The following SYN3 variants were observed in gnomAD, a reference collection of about 807,000 sequenced individuals.
The protein encoded by SYN3 is synapsin-3.
SYN3 carries 35 observed loss-of-function variants against 65.8 expected under a neutral mutation model. The ratio of observed to expected loss-of-function variants is 0.53; its 90% CI spans 0.41 to 0.70. The LOEUF (loss-of-function observed/expected upper bound fraction) is 0.70. SYN3 is among the 30% of genes least tolerant of loss of function. The probability of loss-of-function intolerance (pLI) is 0.00; values close to 1 mark genes in which losing one functional copy is unlikely to be tolerated. For missense variants in SYN3, 680 were observed against 749.0 expected (o/e 0.91, Z 1.08); for synonymous variants, 270 against 292.9 (o/e 0.92, Z 0.80).
At chr22:32,660,311 G>A (rs2060198612) in intron 6 of SYN3, among the ~76,000 whole-genome samples, 1 of 152,200 alleles carries the variant, frequency 6.6e-6, no homozygotes, top group Admixed American at 6.5e-5. Context: ...CAAATAAGTA[G>A]CCGTGCCAAA....
chr22:32,935,223 T>C (rs559731542), intron 3 of SYN3, among the ~76,000 whole-genome samples: 119 of 152,238 alleles, frequency 7.8e-4, no homozygotes, highest in African/African-American at 2.8e-3. Context: ...AAAGCTCCTT[T>C]ATTCACTTCA....
chr22:32,748,450 G>A (rs2045005512), intron 6 of SYN3, among the ~76,000 whole-genome samples: 1 of 152,198 alleles, frequency 6.6e-6, no homozygotes, highest in African/African-American at 2.4e-5. Context: ...GCAAAACCAA[G>A]AAAGGGTGTC....
chr22:32,570,134 T>C (rs1027156244), intron 7 of SYN3, among the ~76,000 whole-genome samples: 1 of 152,188 alleles, frequency 6.6e-6, no homozygotes, highest in African/African-American at 2.4e-5. Context: ...CGATTAAACA[T>C]GGTATTTAAC....
At chr22:32,569,153 G>A (rs1279141573) in intron 7 of SYN3, among the ~76,000 whole-genome samples, 1 of 152,098 alleles carries the variant, frequency 6.6e-6, no homozygotes, top group Non-Finnish European at 1.5e-5. Context: ...TTCCTCATGT[G>A]TAAAATGGAG....
chr22:32,993,039 G>A (rs1448027941), intron 2 of SYN3, among the ~76,000 whole-genome samples: 1 of 152,120 alleles, frequency 6.6e-6, no homozygotes, highest in African/African-American at 2.4e-5. Context: ...AGTAGAACAA[G>A]CCGGGCTTGT....
intron 4 of SYN3, among the ~76,000 whole-genome samples, chr22:32,924,538 T>A (rs577330128): frequency 3.9e-5 from 6 of 152,256 alleles, no homozygotes; most frequent in African/African-American, 1.4e-4. Flanking sequence ...CTGCTCAAAC[T>A]GAACCTGCAA....
At chr22:32,530,789 G>A (rs1475133617) in intron 10 of SYN3, among the ~76,000 whole-genome samples, 1 of 152,120 alleles carries the variant, frequency 6.6e-6, no homozygotes, top group East Asian at 1.9e-4. Context: ...CGGATCACGA[G>A]GTCAGGAGAT....
At chr22:32,788,961 A>G (rs1241382153) in intron 6 of SYN3, among the ~76,000 whole-genome samples, 1 of 152,096 alleles carries the variant, frequency 6.6e-6, no homozygotes, top group African/African-American at 2.4e-5. Flanking sequence ...CCTCCTTGCC[A>G]CATGCTGCCC....
At chr22:32,587,672 G>A (rs2059068688) in intron 7 of SYN3, among the ~76,000 whole-genome samples, 1 of 152,162 alleles carries the variant, frequency 6.6e-6, no homozygotes, top group Admixed American at 6.5e-5. Context: ...CCTAAGAGAA[G>A]GGATCCGAGT....
intron 6 of SYN3, among the ~76,000 whole-genome samples, chr22:32,683,636 C>A (rs1400457231): frequency 6.6e-6 from 1 of 152,068 alleles, no homozygotes; most frequent in Non-Finnish European, 1.5e-5. Context: ...ACATGGTGAT[C>A]CCGTGTGTTT....
At chr22:32,771,277 A>G (rs1235570869) in intron 6 of SYN3, among the ~76,000 whole-genome samples, 5 of 152,204 alleles carry the variant, frequency 3.3e-5, no homozygotes, top group Non-Finnish European at 7.3e-5. Context: ...CATGGTATAT[A>G]ACCAGCCTTG....
At chr22:32,582,872 C>T (rs1569062076) in intron 7 of SYN3, among the ~76,000 whole-genome samples, 1 of 152,248 alleles carries the variant, frequency 6.6e-6, no homozygotes, top group Non-Finnish European at 1.5e-5. Flanking sequence ...GCCTCTAGGT[C>T]CTTCTCTTCA....
chr22:32,814,135 T>TGAGA (rs769677665), intron 6 of SYN3, among the ~76,000 whole-genome samples: 19 of 72,110 alleles, frequency 2.6e-4, no homozygotes, highest in African/African-American at 9.7e-4. Flanking sequence ...TGTGTGTGTG[T>TGAGA]GTGTGTGAGA....
In SYN3 at chr22:32,818,888, G is replaced by A. The variant is rs776068567; in HGVS notation, c.711+46027C>T. Reference sequence around the variant, plus strand: ...ATGGGGCTCTGAAGCCACGGGCCAGGCAGGTAGTGGATTTCAAGCCAGCCA... The same window carrying A: ...ATGGGGCTCTGAAGCCACGGGCCAGACAGGTAGTGGATTTCAAGCCAGCCA... On this transcript the variant is annotated intron_variant, in intron 6 of 13. Transcript: ENST00000358763. 3.3e-4 allele frequency among the ~76,000 whole-genome samples: 51 copies of A among 152,322 alleles called. 1 individual carries two copies. The highest frequency in any genetic ancestry group is 6.3e-4 in the Non-Finnish European group (43 of 68,028).
intron 5 of SYN3, among the ~76,000 whole-genome samples, chr22:32,866,348 T>G (rs1426578542): frequency 6.6e-6 from 1 of 151,998 alleles, no homozygotes; most frequent in East Asian, 1.9e-4. Flanking sequence ...CAACAGGGAG[T>G]CAACTTCGAG....
At chr22:32,563,470 A>G (rs2058615207) in intron 7 of SYN3, among the ~76,000 whole-genome samples, 1 of 152,226 alleles carries the variant, frequency 6.6e-6, no homozygotes, top group South Asian at 2.1e-4. Context: ...TGAGGCTGAC[A>G]CAGGTGTAGG....
intron 6 of SYN3, among the ~76,000 whole-genome samples, chr22:32,751,387 T>A (rs2045119107): frequency 6.6e-6 from 1 of 152,150 alleles, no homozygotes; most frequent in African/African-American, 2.4e-5. Flanking sequence ...GCGAAAGTGC[T>A]TTTTAAAGAA....
At chr22:32,690,872 C>A (rs1406031131) in intron 6 of SYN3, among the ~76,000 whole-genome samples, 2 of 152,156 alleles carry the variant, frequency 1.3e-5, no homozygotes, top group African/African-American at 2.4e-5. Flanking sequence ...CTGCCCCCTG[C>A]AAATGGGAGA....
intron 3 of SYN3, among the ~76,000 whole-genome samples, chr22:32,960,029 A>G (rs929816137): frequency 1.3e-5 from 2 of 152,226 alleles, no homozygotes; most frequent in East Asian, 3.8e-4. Context: ...AAACTGTTCT[A>G]TTTTGAAAAA....
Sources: gnomAD v4.1 joint callset for allele counts (sites outside exome capture counted in the v4.1 genomes callset) on GRCh38, gnomAD v4.1.1 for gene constraint, MANE v1.5 for transcripts, NCBI Gene and HGNC (gene_info 2026-07-23, HGNC 2026-07-21) for gene names.